Variants in NUAK1 observed in about 807,000 individuals in gnomAD.
The protein encoded by NUAK1 is NUAK family SNF1-like kinase 1.
NUAK1 carries 26 observed loss-of-function variants against 56.9 expected under a neutral mutation model. The observed-to-expected ratio is 0.46, with a 90% CI of 0.33 to 0.63. The LOEUF (loss-of-function observed/expected upper bound fraction) is 0.63. Among genes scored for constraint, NUAK1 ranks in the 30% least tolerant of loss-of-function variants. The probability of loss-of-function intolerance (pLI) is 0.02; values close to 1 mark genes in which losing one functional copy is unlikely to be tolerated. For synonymous variants in NUAK1, 337 were observed against 336.0 expected (o/e 1.00, Z -0.03); for missense variants, 727 against 876.1 (o/e 0.83, Z 2.15).
intron 2 of NUAK1, among the ~76,000 whole-genome samples, chr12:106,098,215 G>C (rs185412175): frequency 4.2e-4 from 64 of 152,296 alleles, no homozygotes; most frequent in Middle Eastern, 3.4e-3. Context: ...GCATATTGTA[G>C]TGCAATTTCT....
intron 2 of NUAK1, among the ~76,000 whole-genome samples, chr12:106,095,923 T>C (rs1324834065): frequency 6.6e-6 from 1 of 152,192 alleles, no homozygotes; most frequent in Non-Finnish European, 1.5e-5. Context: ...TCAGAAGTCA[T>C]GGTGGGGAGC....
intron 1 of NUAK1, among the ~76,000 whole-genome samples, chr12:106,136,179 T>TA (rs1485715708): frequency 2.0e-5 from 3 of 152,218 alleles, no homozygotes; most frequent in Non-Finnish European, 2.9e-5. Flanking sequence ...CGAAGCATTT[T>TA]AGAGACTGTC....
In NUAK1 at chr12:106,066,313, G is replaced by A. The variant is rs6539248; in HGVS notation, c.*489C>T. ...AACTGGCAGCCACTATTAATTGATC[G>A]TCAACTCAAGCTCAAGTTGCTGAAA... is the stretch of plus-strand genomic sequence containing the variant. On this transcript the variant is annotated 3_prime_UTR_variant, in exon 7 of 7. Transcript: ENST00000261402. 118,636 of 160,228 alleles carry A rather than the reference G, an allele frequency of 0.74. 45,322 individuals carry two copies. Among genetic ancestry groups the A allele is most frequent in the East Asian group, 0.98 (5,478 of 5,610 alleles). The allele number at this position is 160,228 out of a possible 1,614,324, so 9.9% of individuals were successfully genotyped here. A position where few individuals can be genotyped will look rare whatever the true frequency, so the allele number is the denominator to read the frequency against.
At chr12:106,089,114 C>T (rs1362905082) in intron 2 of NUAK1, among the ~76,000 whole-genome samples, 1 of 152,382 alleles carries the variant, frequency 6.6e-6, no homozygotes, top group South Asian at 2.1e-4. Flanking sequence ...CCGACTGCCT[C>T]GGGATGCATG....
chr12:106,098,864 C>G lies in NUAK1; in HGVS notation c.361+7541G>C, dbSNP rs374978372. Among the ~76,000 whole-genome samples the G allele has an allele frequency of 2.6e-5, 4 of 152,296 alleles. 1 individual carries two copies. On this transcript the variant is annotated intron_variant, in intron 2 of 6. Coordinates refer to ENST00000261402, the MANE Select transcript of NUAK1 (RefSeq NM_014840.3). The stretch of plus-strand genomic sequence containing the variant: ...AACCTCAGGCAAAAACTGTTTTTAT[C>G]TCTTCCATCCTAGGCAACCCAGTTG...
At chr12:106,099,284 G>T (rs1401446882) in intron 2 of NUAK1, among the ~76,000 whole-genome samples, 1 of 152,162 alleles carries the variant, frequency 6.6e-6, no homozygotes, top group Non-Finnish European at 1.5e-5. Flanking sequence ...GGGCCTGGGG[G>T]TATTGTGATT....
chr12:106,099,878 C>T (rs1043553625), intron 2 of NUAK1, among the ~76,000 whole-genome samples: 2 of 151,574 alleles, frequency 1.3e-5, no homozygotes, highest in Admixed American at 6.6e-5. Context: ...GCAACCTCCA[C>T]CTTCCGGGTT....
intron 1 of NUAK1, among the ~76,000 whole-genome samples, chr12:106,112,807 G>A (rs983681768): frequency 2.6e-5 from 4 of 152,242 alleles, no homozygotes; most frequent in African/African-American, 9.6e-5. Context: ...CATGGTATGT[G>A]TAGCTAGGAG....
intron 2 of NUAK1, among the ~76,000 whole-genome samples, chr12:106,095,209 A>C (rs1019969770): frequency 3.9e-5 from 6 of 152,218 alleles, no homozygotes; most frequent in Non-Finnish European, 7.3e-5. Flanking sequence ...GAATGTGAGA[A>C]AGCCCCGGCA....
At position 106,106,511 on chromosome 12, in the gene NUAK1, G is replaced by C. The variant is rs540624410; in HGVS notation, c.255C>G (p.Ser85=). ...RFSGRVVAIK[S]IRKDKIKDEQ... The stretch of plus-strand genomic sequence containing the variant: ...CATCCTTAATTTTGTCCTTACGAAT[G>C]GATTTTATAGCAACCTATAAAGTCA... The change falls in exon 2 of 7, where the codon TCC becomes TCG. Residue 85 remains serine, a synonymous_variant. Coordinates refer to ENST00000261402, the MANE Select transcript of NUAK1 (RefSeq NM_014840.3). 1 of 1,612,388 alleles carries C rather than the reference G, an allele frequency of 6.2e-7. No homozygotes were observed. The highest frequency in any genetic ancestry group is 8.5e-7 in the Non-Finnish European group (1 of 1,179,432).
chr12:106,070,495 G>C (rs1436608779), intron 6 of NUAK1, among the ~76,000 whole-genome samples: 1 of 152,126 alleles, frequency 6.6e-6, no homozygotes, highest in Non-Finnish European at 1.5e-5. Flanking sequence ...TTTTATTTAT[G>C]GTGGAGAATC....
chr12:106,069,491 A>G (rs1053862439), intron 6 of NUAK1, among the ~76,000 whole-genome samples: 29 of 152,302 alleles, frequency 1.9e-4, no homozygotes, highest in African/African-American at 6.7e-4. Flanking sequence ...TATGGAGAAG[A>G]TAAGTGTCTT....
At chr12:106,081,888 A>G (rs965213476) in intron 4 of NUAK1, among the ~76,000 whole-genome samples, 1 of 152,144 alleles carries the variant, frequency 6.6e-6, no homozygotes, top group African/African-American at 2.4e-5. Context: ...CTGGAGAGGA[A>G]GTCAATAAGG....
At chr12:106,130,546 C>G (rs1565929167) in intron 1 of NUAK1, among the ~76,000 whole-genome samples, 1 of 152,216 alleles carries the variant, frequency 6.6e-6, no homozygotes, top group Non-Finnish European at 1.5e-5. Flanking sequence ...GCTTCAGCCA[C>G]AGAGTATTGA....
chr12:106,086,556 C>CA (rs1267187167), intron 3 of NUAK1, among the ~76,000 whole-genome samples, 178 bp downstream of exon 3: 2 of 152,124 alleles, frequency 1.3e-5, no homozygotes, highest in Non-Finnish European at 2.9e-5. Context: ...GCAAAAATGT[C>CA]AAAAATAGAT....
chr12:106,084,630 GGCT>G (rs1181881362), intron 3 of NUAK1, among the ~76,000 whole-genome samples: 1 of 152,216 alleles, frequency 6.6e-6, no homozygotes, highest in Non-Finnish European at 1.5e-5. Context: ...CAAGGCTGGA[GGCT>G]GAACTTCAAT....
At chr12:106,081,556 G>A (rs1441555646) in intron 4 of NUAK1, among the ~76,000 whole-genome samples, 2 of 152,170 alleles carry the variant, frequency 1.3e-5, no homozygotes, top group Non-Finnish European at 2.9e-5. Flanking sequence ...GGCACCCTAG[G>A]TTGAAGAACT....
intron 1 of NUAK1, among the ~76,000 whole-genome samples, chr12:106,112,397 G>A (rs2032869807): frequency 6.6e-6 from 1 of 151,248 alleles, no homozygotes; most frequent in Non-Finnish European, 1.5e-5. Context: ...TCTTGCCTGG[G>A]AGATGCACAG....
intron 1 of NUAK1, among the ~76,000 whole-genome samples, chr12:106,115,540 T>C (rs1030391723): frequency 6.6e-6 from 1 of 152,180 alleles, no homozygotes; most frequent in African/African-American, 2.4e-5. Context: ...CTCACAAGCA[T>C]CTTTTTCCTT....
Sources: allele counts gnomAD v4.1 joint callset (sites outside exome capture counted in the v4.1 genomes callset), GRCh38; gene constraint gnomAD v4.1.1; transcripts MANE v1.5; gene names NCBI Gene and HGNC (gene_info 2026-07-23, HGNC 2026-07-21).